The following C2CD5 variants were observed in gnomAD, a reference collection of about 807,000 sequenced individuals.
The protein encoded by C2CD5 is C2 domain-containing protein 5.
Under a neutral mutation model 130.3 loss-of-function variants are expected in C2CD5, and 109 were observed. The observed-to-expected ratio is 0.84, with a 90% CI of 0.72 to 0.98. The LOEUF (loss-of-function observed/expected upper bound fraction) is 0.98, where lower values mean the gene tolerates loss of function less well. Ranked by LOEUF, C2CD5 falls within the 50% of genes least tolerant of loss-of-function variation. The probability of loss-of-function intolerance (pLI) is 0.00; values close to 1 mark genes in which losing one functional copy is unlikely to be tolerated. For missense variants in C2CD5, 996 were observed against 1,261.8 expected, an observed-to-expected ratio of 0.79 and a Z score of 3.19; for synonymous variants, 454 against 429.2, an observed-to-expected ratio of 1.06 and a Z score of -0.71.
At chr12:22,501,831 A>C (rs190537873) in intron 10 of C2CD5, among the ~76,000 whole-genome samples, 2 of 152,190 alleles carry the variant, frequency 1.3e-5, no homozygotes, top group Non-Finnish European at 2.9e-5. Flanking sequence ...AGAACAAAAA[A>C]AAGTTTACAA....
intron 9 of C2CD5, 114 bp from the exon 10 acceptor site, chr12:22,506,933 C>T: frequency 1.5e-6 from 1 of 666,308 alleles, no homozygotes; most frequent in Non-Finnish European, 2.7e-6. Flanking sequence ...TAAAAGGCCA[C>T]CCATTACACA....
chr12:22,544,029 C>G (rs1355671500), intron 2 of C2CD5, 32 bp downstream of exon 2: 3 of 1,527,430 alleles, frequency 2.0e-6, no homozygotes, highest in Non-Finnish European at 2.7e-6. Flanking sequence ...TTGGCGCTCC[C>G]TGTGTTTTGA....
intron 22 of C2CD5, among the ~76,000 whole-genome samples, chr12:22,462,695 C>T (rs1403375225): frequency 6.6e-6 from 1 of 152,168 alleles, no homozygotes; most frequent in Non-Finnish European, 1.5e-5. Flanking sequence ...CTTGTCGTAA[C>T]CAATGGCAAA....
chr12:22,502,621 T>A (rs773292841), intron 10 of C2CD5: 3 of 568,994 alleles, frequency 5.3e-6, no homozygotes, highest in Non-Finnish European at 9.3e-6. Flanking sequence ...TAGCACAGAA[T>A]ATTATCTGTA....
intron 25 of C2CD5, among the ~76,000 whole-genome samples, chr12:22,456,298 C>T (rs1939839630): frequency 6.6e-6 from 1 of 152,162 alleles, no homozygotes; most frequent in Non-Finnish European, 1.5e-5. Context: ...TTTCCCTATT[C>T]ACCATATTAA....
At chr12:22,516,631 T>C (rs989947385) in intron 8 of C2CD5, among the ~76,000 whole-genome samples, 2 of 150,588 alleles carry the variant, frequency 1.3e-5, no homozygotes, top group South Asian at 2.1e-4. Flanking sequence ...ATCTGTGGTA[T>C]GGCAAAAAAA....
intron 12 of C2CD5, among the ~76,000 whole-genome samples, chr12:22,485,756 C>T (rs1268666131): frequency 6.6e-6 from 1 of 152,020 alleles, no homozygotes; most frequent in East Asian, 1.9e-4. Flanking sequence ...CTAAACAGCT[C>T]ACACAAATTT....
chr12:22,532,378 T>C (rs188050694), intron 3 of C2CD5, among the ~76,000 whole-genome samples: 3 of 151,612 alleles, frequency 2.0e-5, no homozygotes, highest in African/African-American at 2.4e-5. Flanking sequence ...TTTTGACTAG[T>C]GCAACTCATA....
At chr12:22,533,924 G>A (rs911367199) in intron 3 of C2CD5, among the ~76,000 whole-genome samples, 5 of 152,310 alleles carry the variant, frequency 3.3e-5, no homozygotes, top group African/African-American at 7.2e-5. Context: ...GGTGGCTAAC[G>A]CCTGTAATCC....
chr12:22,450,034 A>G lies in C2CD5; in HGVS notation c.3025-143T>C, dbSNP rs866887762. ...AGATAGGCAATCCAACAGAAAAATGAGAAAAGGGTAAGAGGGCAATTCACA... is the reference window on the plus strand; with the variant it reads ...AGATAGGCAATCCAACAGAAAAATGGGAAAAGGGTAAGAGGGCAATTCACA... On this transcript the variant is annotated intron_variant, in intron 26 of 26. Transcript: ENST00000446597. 3.6e-5 allele frequency: 21 copies of G among 590,388 alleles called. No individual in the cohort carries two copies. The Middle Eastern group carries it at 3.5e-3, about 98-fold the overall frequency. The allele number at this position is 590,388 out of a possible 1,614,324, so 36.6% of individuals were successfully genotyped here. A position where few individuals can be genotyped will look rare whatever the true frequency, so the allele number is the denominator to read the frequency against.
At chr12:22,468,611 C>T (rs1204377220) in intron 22 of C2CD5, among the ~76,000 whole-genome samples, 2 of 152,144 alleles carry the variant, frequency 1.3e-5, no homozygotes. Flanking sequence ...GATTTTTCCT[C>T]TCTATTCTTT....
intron 14 of C2CD5, 117 bp from the exon 15 acceptor site, chr12:22,478,594 C>T (rs1944223584): frequency 2.4e-6 from 2 of 844,572 alleles, no homozygotes; most frequent in Non-Finnish European, 3.6e-6. Flanking sequence ...ACCTGTAATC[C>T]CAGTACTTTG....
At chr12:22,523,351 G>A in intron 7 of C2CD5, 75 bp downstream of exon 7, 1 of 1,198,220 alleles carries the variant, frequency 8.3e-7, no homozygotes, top group East Asian at 2.5e-5. Context: ...CTACTAAAAT[G>A]TTTCAAATCA....
chr12:22,538,708 AT>A (rs1194630351), intron 2 of C2CD5, among the ~76,000 whole-genome samples: 1 of 152,236 alleles, frequency 6.6e-6, no homozygotes, highest in African/African-American at 2.4e-5. Flanking sequence ...AATGAAATTC[AT>A]TCAATTGAAA....
At chr12:22,524,730 A>G in intron 5 of C2CD5, 103 bp from the exon 6 acceptor site, 1 of 682,090 alleles carries the variant, frequency 1.5e-6, no homozygotes, top group Non-Finnish European at 2.5e-6. Flanking sequence ...TAATACAAGA[A>G]CATCTTTTAC....
intron 22 of C2CD5, among the ~76,000 whole-genome samples, chr12:22,469,302 C>T (rs1474411640): frequency 6.6e-6 from 1 of 151,486 alleles, no homozygotes; most frequent in Non-Finnish European, 1.5e-5. Context: ...CATGTATCTT[C>T]TGGAAAAAAA....
intron 19 of C2CD5, 75 bp downstream of exon 19, chr12:22,471,892 C>T (rs2136182551): frequency 2.4e-6 from 2 of 826,088 alleles, no homozygotes; most frequent in South Asian, 1.4e-5. Context: ...GTATTACAGA[C>T]AATACAGCAA....
intron 11 of C2CD5, among the ~76,000 whole-genome samples, chr12:22,490,595 T>C (rs994539134): frequency 2.0e-5 from 3 of 152,240 alleles, no homozygotes; most frequent in East Asian, 3.9e-4. Flanking sequence ...TTTAAATGTA[T>C]ATGAAGTTTT....
rs1275265625 is a variant in C2CD5 at position 22,454,055 on chromosome 12, G to A, written c.2878-13C>T. ...TGACTCCTCCTTCCTAAATAATAGT[G>A]CACAGGAAAATCATACTATATATAC... On this transcript the variant is annotated splice_polypyrimidine_tract_variant and intron_variant, in intron 25 of 26. Coordinates refer to ENST00000446597, the MANE Select transcript of C2CD5 (RefSeq NM_001286176.2). 7 of 1,608,488 alleles carry A rather than the reference G, an allele frequency of 4.4e-6. No homozygotes were observed. In the African/African-American group the frequency reaches 6.7e-5, roughly 15 times the overall value.
Sources: gnomAD v4.1 joint callset for allele counts (sites outside exome capture counted in the v4.1 genomes callset) on GRCh38, gnomAD v4.1.1 for gene constraint, MANE v1.5 for transcripts, NCBI Gene and HGNC (gene_info 2026-07-23, HGNC 2026-07-21) for gene names.